TBC1D5: variants seen among roughly 807,000 people sequenced by gnomAD.
The protein encoded by TBC1D5 is TBC1 domain family member 5.
In TBC1D5, 75 loss-of-function variants were observed where a neutral mutation model predicts 100.3. The ratio of observed to expected loss-of-function variants is 0.75; its 90% CI spans 0.62 to 0.91. TBC1D5 has a LOEUF of 0.91. TBC1D5 is among the 40% of genes least tolerant of loss of function. TBC1D5 has a pLI of 0.00. For missense variants in TBC1D5, 910 were observed against 942.4 expected (o/e 0.97, Z 0.45); for synonymous variants, 323 against 325.6 (o/e 0.99, Z 0.09).
intron 1 of TBC1D5, among the ~76,000 whole-genome samples, chr3:17,660,624 G>C (rs1223154024): frequency 6.6e-6 from 1 of 152,156 alleles, no homozygotes; most frequent in Non-Finnish European, 1.5e-5. Flanking sequence ...TCTAGCTATG[G>C]ACAGTAGCTA....
chr3:17,648,841 G>A (rs2065260528), intron 1 of TBC1D5, among the ~76,000 whole-genome samples: 1 of 152,182 alleles, frequency 6.6e-6, no homozygotes. Context: ...ATGCTGGCAA[G>A]TTTCCAGAGA....
intron 13 of TBC1D5, among the ~76,000 whole-genome samples, chr3:17,368,276 T>G (rs1315703463): frequency 6.6e-6 from 1 of 152,148 alleles, no homozygotes; most frequent in African/African-American, 2.4e-5. Context: ...AAGTAATAGT[T>G]TTGTACTATT....
At chr3:17,672,362 T>A (rs2068041432) in intron 1 of TBC1D5, among the ~76,000 whole-genome samples, 1 of 152,178 alleles carries the variant, frequency 6.6e-6, no homozygotes, top group South Asian at 2.1e-4. Context: ...GAGTTCACTG[T>A]TAACTGAAAG....
chr3:17,204,748 T>C (rs1467725413), intron 18 of TBC1D5, among the ~76,000 whole-genome samples: 1 of 152,174 alleles, frequency 6.6e-6, no homozygotes, highest in East Asian at 1.9e-4. Context: ...TTAAAATAAA[T>C]GTATTGCACC....
intron 1 of TBC1D5, among the ~76,000 whole-genome samples, chr3:17,638,288 A>G (rs2064160467): frequency 6.6e-6 from 1 of 152,068 alleles, no homozygotes; most frequent in Non-Finnish European, 1.5e-5. Context: ...AATTCCAAAA[A>G]TTACCCCATA....
chr3:17,485,359 G>C (rs1378832824), intron 3 of TBC1D5, among the ~76,000 whole-genome samples: 2 of 148,052 alleles, frequency 1.4e-5, no homozygotes, highest in African/African-American at 2.5e-5. Context: ...TATACTTTAA[G>C]TTTTAGGGTA....
intron 2 of TBC1D5, among the ~76,000 whole-genome samples, chr3:17,518,205 C>T (rs527630837): frequency 6.6e-6 from 1 of 152,234 alleles, no homozygotes; most frequent in African/African-American, 2.4e-5. Flanking sequence ...ACCTTCAAGC[C>T]GAAATGCCTG....
rs138190899 is a variant in TBC1D5, at chr3:17,611,823, T to C, written c.-36+12026A>G. ...GGAGGATTCTATGTTATAATGCCTA[T>C]AAAATGCTAAGAATAATGCATTATC... On this transcript the variant is annotated intron_variant, in intron 2 of 21. Coordinates refer to ENST00000253692, the Ensembl canonical transcript of TBC1D5. Among the ~76,000 whole-genome samples, 536 of 152,320 alleles carry C rather than the reference T, an allele frequency of 3.5e-3. 4 individuals are homozygous for C. The highest frequency in any genetic ancestry group is 0.012 in the African/African-American group (508 of 41,562).
At chr3:17,484,414 G>A (rs1183229985) in intron 3 of TBC1D5, among the ~76,000 whole-genome samples, 2 of 151,252 alleles carry the variant, frequency 1.3e-5, no homozygotes, top group African/African-American at 4.9e-5. Context: ...ATTACTCAAA[G>A]CATCCTGAGG....
chr3:17,467,163 T>C (rs2095313868), intron 3 of TBC1D5, among the ~76,000 whole-genome samples: 1 of 152,132 alleles, frequency 6.6e-6, no homozygotes, highest in Non-Finnish European at 1.5e-5. Context: ...ACACTAAACA[T>C]GTTCTGTTGC....
intron 2 of TBC1D5, among the ~76,000 whole-genome samples, chr3:17,581,036 G>A (rs1024274389): frequency 3.4e-4 from 52 of 152,196 alleles, no homozygotes; most frequent in African/African-American, 1.2e-3. Context: ...TGTCGTGGGA[G>A]GGACCTGGTG....
chr3:17,633,676 T>G (rs1319461140), intron 1 of TBC1D5, among the ~76,000 whole-genome samples: 1 of 152,174 alleles, frequency 6.6e-6, no homozygotes, highest in Non-Finnish European at 1.5e-5. Flanking sequence ...TGTAGAATAA[T>G]ATACTTTGGA....
At chr3:17,165,734 T>G (rs1433353961) in intron 21 of TBC1D5, among the ~76,000 whole-genome samples, 7 of 152,272 alleles carry the variant, frequency 4.6e-5, no homozygotes, top group African/African-American at 1.7e-4. Flanking sequence ...ATGTTCATTT[T>G]CCAAGATGAA....
At chr3:17,458,340 T>C (rs755085847) in intron 3 of TBC1D5, among the ~76,000 whole-genome samples, 3 of 152,158 alleles carry the variant, frequency 2.0e-5, no homozygotes, top group Non-Finnish European at 4.4e-5. Context: ...TCTGACAAAA[T>C]ATAGCTTTGT....
chr3:17,531,743 C>G (rs2096228979), intron 2 of TBC1D5, among the ~76,000 whole-genome samples: 1 of 152,140 alleles, frequency 6.6e-6, no homozygotes, highest in African/African-American at 2.4e-5. Flanking sequence ...GAAAGGATTC[C>G]CTATTTAATA....
rs182174715 is a variant in TBC1D5 at position 17,637,513 on chromosome 3, T to C, written c.-100-13600A>G. Among the ~76,000 whole-genome samples the C allele has an allele frequency of 1.3e-3, 200 of 151,988 alleles. 1 individual carries two copies. Among genetic ancestry groups the C allele is most frequent in the African/African-American group, 4.5e-3 (185 of 41,466 alleles). On this transcript the variant is annotated intron_variant, in intron 1 of 21. Coordinates refer to ENST00000253692, the Ensembl canonical transcript of TBC1D5. ...AATATACACAAACTGGAAAAATATT[T>C]TTATCTTATATAACAGACCCGAAGT...
At chr3:17,517,309 T>C (rs1397031002) in intron 2 of TBC1D5, among the ~76,000 whole-genome samples, 1 of 152,224 alleles carries the variant, frequency 6.6e-6, no homozygotes, top group Non-Finnish European at 1.5e-5. Context: ...CTTGTTGTGT[T>C]GAGCTGGAAC....
intron 2 of TBC1D5, among the ~76,000 whole-genome samples, chr3:17,581,038 G>A (rs2096691593): frequency 6.6e-6 from 1 of 152,162 alleles, no homozygotes; most frequent in Non-Finnish European, 1.5e-5. Context: ...TCGTGGGAGG[G>A]ACCTGGTGGG....
At chr3:17,682,051 C>G (rs1041963478) in intron 1 of TBC1D5, among the ~76,000 whole-genome samples, 6 of 151,366 alleles carry the variant, frequency 4.0e-5, no homozygotes, top group South Asian at 2.1e-4. Flanking sequence ...CCCTTCCCCC[C>G]ACCGTCCATA....
Sources: gnomAD v4.1 joint callset for allele counts (sites outside exome capture counted in the v4.1 genomes callset) on GRCh38, gnomAD v4.1.1 for gene constraint, MANE v1.5 for transcripts, NCBI Gene and HGNC (gene_info 2026-07-23, HGNC 2026-07-21) for gene names.